The following COQ3 variants were observed in gnomAD, a reference collection of about 807,000 sequenced individuals.
COQ3 encodes coenzyme Q3, methyltransferase, also known as ubiquinone biosynthesis O-methyltransferase, mitochondrial.
COQ3 carries 29 observed loss-of-function variants against 33.1 expected under a neutral mutation model. The observed-to-expected ratio is 0.88, with a 90% CI of 0.65 to 1.19. The LOEUF (loss-of-function observed/expected upper bound fraction) is 1.19. Among genes scored for constraint, COQ3 ranks in the 50% most tolerant of loss-of-function variants. The pLI is 0.00. For synonymous variants in COQ3, 173 were observed against 157.8 expected, an observed-to-expected ratio of 1.10 and a Z score of -0.72; for missense variants, 437 against 430.7, an observed-to-expected ratio of 1.01 and a Z score of -0.13.
In COQ3 at chr6:99,388,198, A is replaced by C. The variant is rs151332146; in HGVS notation, c.107-4374T>G. 1.8e-3 allele frequency among the ~76,000 whole-genome samples: 269 copies of C among 152,196 alleles called. 1 individual carries two copies. Among genetic ancestry groups the C allele is most frequent in the Middle Eastern group, 0.017 (5 of 294 alleles). On this transcript the variant is annotated intron_variant, in intron 1 of 6. Transcript: ENST00000254759. ...TAAAATAAAATAAAATAAAAAAAGA[A>C]AGCTCAAAGATTACAAAGGCAACAC...
intron 1 of COQ3, among the ~76,000 whole-genome samples, chr6:99,392,220 A>T (rs954160317): frequency 6.6e-6 from 1 of 152,168 alleles, no homozygotes; most frequent in Non-Finnish European, 1.5e-5. Context: ...CCTACCAGGC[A>T]CCATGCTGAT....
intron 2 of COQ3, among the ~76,000 whole-genome samples, chr6:99,383,313 T>C (rs1178455325): frequency 6.6e-6 from 1 of 152,220 alleles, no homozygotes; most frequent in African/African-American, 2.4e-5. Flanking sequence ...CTAAAAATTT[T>C]AAAATATTGT....
At chr6:99,373,172 T>C (rs1358626426) in intron 5 of COQ3, among the ~76,000 whole-genome samples, 1 of 152,140 alleles carries the variant, frequency 6.6e-6, no homozygotes, top group African/African-American at 2.4e-5. Flanking sequence ...TGGTGGCTCA[T>C]GCCTATAATT....
chr6:99,371,715 G>T, intron 5 of COQ3, 128 bp from the exon 6 acceptor site: 1 of 642,346 alleles, frequency 1.6e-6, no homozygotes. Flanking sequence ...ATATATGTAC[G>T]CATAAAATAT....
Position 99,385,089 on chromosome 6 carries a change from C to A in COQ3, c.107-1265G>T, listed in dbSNP as rs148950634. ...TCAAGCCACTGTACTCCAGCCTGGG[C>A]GACAGAGCAAGACTGTGCCTCAAAA... On this transcript the variant is annotated intron_variant, in intron 1 of 6. Transcript: ENST00000254759. 5.8e-3 allele frequency among the ~76,000 whole-genome samples: 887 copies of A among 152,150 alleles called. 9 individuals are homozygous for A. The highest frequency in any genetic ancestry group is 0.044 in the Middle Eastern group (13 of 294).
intron 3 of COQ3, 21 bp downstream of exon 3, chr6:99,380,167 CT>C: frequency 1.2e-6 from 2 of 1,600,122 alleles, no homozygotes; most frequent in Non-Finnish European, 1.7e-6. Context: ...TTTAAAAAGA[CT>C]TAGAGTTTCT....
In COQ3 at chr6:99,376,222, T is replaced by G. The variant is rs371002693; in HGVS notation, c.487-40A>C. 1.9e-6 allele frequency: 3 copies of G among 1,599,750 alleles called. No homozygotes were observed. The African/African-American group carries it at 4.1e-5, about 22-fold the overall frequency. ...AAAACTGTTACCCTCAGGAAGAAAA[T>G]AGAGCACATGTTAGCAATAAAAAGC... On this transcript the variant is annotated intron_variant, in intron 4 of 6. Coordinates refer to ENST00000254759, the MANE Select transcript of COQ3 (RefSeq NM_017421.4).
chr6:99,376,057 GGAA>G lies in COQ3; in HGVS notation c.609_611del (p.Ser204del). 3 of 1,614,010 alleles carry G rather than the reference GGAA, an allele frequency of 1.9e-6. No individual in the cohort carries two copies. The highest frequency in any genetic ancestry group is 2.5e-6 in the Non-Finnish European group (3 of 1,179,992). On this transcript the variant is annotated inframe_deletion, in exon 5 of 7. Transcript: ENST00000254759. Reference sequence around the variant, plus strand: ...CAGTCTCTTCCACAATCTCTTCCAGGGAACACACTCTGTACTCTATTCTCTTAT... The same window carrying G: ...CAGTCTCTTCCACAATCTCTTCCAGGCACACTCTGTACTCTATTCTCTTAT...
intron 1 of COQ3, among the ~76,000 whole-genome samples, chr6:99,392,795 T>C (rs1774867855): frequency 6.6e-6 from 1 of 152,148 alleles, no homozygotes; most frequent in South Asian, 2.1e-4. Context: ...CCAGCTAATT[T>C]TGTATTTTTA....
At position 99,380,317 on chromosome 6, in the gene COQ3, A is replaced by C; in HGVS notation, c.258T>G (p.Ser86Arg). Reference protein sequence around the residue: ...SFRYPWARLYSTSQTTVDSGE... With the variant: ...SFRYPWARLYRTSQTTVDSGE... ...CGCTGTCGACAGTGGTTTGGGAAGT[A>C]CTGTACAGTCTCGCCCAAGGGTACC... The change falls in exon 3 of 7, where the codon AGT becomes AGG. Residue 86 changes from serine to arginine, a missense_variant. Transcript: ENST00000254759. 6.2e-7 allele frequency: 1 copy of C among 1,613,978 alleles called. No individual in the cohort carries two copies. The highest frequency in any genetic ancestry group is 8.5e-7 in the Non-Finnish European group (1 of 1,179,924).
At chr6:99,382,816 G>A (rs1027716129) in intron 2 of COQ3, among the ~76,000 whole-genome samples, 5 of 152,142 alleles carry the variant, frequency 3.3e-5, no homozygotes, top group African/African-American at 1.2e-4. Flanking sequence ...AGCCGGGTGT[G>A]GTGGTGCATG....
At chr6:99,377,527 T>C in intron 3 of COQ3, 42 bp from the exon 4 acceptor site, 1 of 1,418,806 alleles carries the variant, frequency 7.0e-7, no homozygotes, top group East Asian at 2.4e-5. Context: ...AAATAATTAA[T>C]TTTATCAACG....
Position 99,376,145 on chromosome 6 carries a change from T to C in COQ3, c.524A>G (p.Asp175Gly). 6.2e-7 allele frequency: 1 copy of C among 1,614,056 alleles called. No homozygotes were observed. The highest frequency in any genetic ancestry group is 8.5e-7 in the Non-Finnish European group (1 of 1,180,012). Residue 175 changes from aspartate (D) to glycine (G), a missense_variant, in exon 5 of 7, where the codon GAC becomes GGC. Physicochemically the swap from Asp to Gly is moderately conservative, Grantham distance 94. Transcript: ENST00000254759. ...GRLGASVIGI[D>G]PVDENIKTAQ... is the part of the protein sequence containing the mutation. ...TGTTTTAATGTTCTCATCCACAGGG[T>C]CGATTCCAATAACTGAAGCCCCAAG...
chr6:99,377,516 C>G, intron 3 of COQ3, 31 bp from the exon 4 acceptor site: 1 of 1,477,290 alleles, frequency 6.8e-7, no homozygotes, highest in Middle Eastern at 1.8e-4. Context: ...CATACCAAAA[C>G]AAATAATTAA....
rs1202379971 is a variant in COQ3 at position 99,382,339 on chromosome 6, C to T, written c.233+1359G>A. ...TAGAAAAATCCTTCAAAGGGCTGCT[C>T]AGGTAAAACATAGTAAGGATGTTAA... On this transcript the variant is annotated intron_variant, in intron 2 of 6. Transcript: ENST00000254759. Among the ~76,000 whole-genome samples the T allele has an allele frequency of 2.6e-5, 4 of 152,256 alleles. No homozygotes were observed. The South Asian group carries it at 6.2e-4, about 24-fold the overall frequency.
chr6:99,389,409 G>A (rs1175238729), intron 1 of COQ3, among the ~76,000 whole-genome samples: 1 of 152,172 alleles, frequency 6.6e-6, no homozygotes, highest in South Asian at 2.1e-4. Flanking sequence ...ACAGACGTGA[G>A]CCACCGCACC....
rs778117306 is a variant in COQ3 at position 99,371,479 on chromosome 6, T to C, written c.838A>G (p.Thr280Ala). The C allele has an allele frequency of 6.2e-7, 1 of 1,606,744 alleles. No homozygotes were observed. The highest frequency in any genetic ancestry group is 8.5e-7 in the Non-Finnish European group (1 of 1,176,020). The change falls in exon 6 of 7, where the codon ACA becomes GCA. Residue 280 changes from threonine (T) to alanine (A), a missense_variant. Coordinates refer to ENST00000254759, the MANE Select transcript of COQ3 (RefSeq NM_017421.4). ...TCAGGTGAAACAAACTTCTCCCATG[T>C]ATGAGTACCTTTTGGTACAATACTT... ...IASIVPKGTH[T>A]WEKFVSPETL...
At chr6:99,386,660 C>G (rs1217986283) in intron 1 of COQ3, among the ~76,000 whole-genome samples, 1 of 152,152 alleles carries the variant, frequency 6.6e-6, no homozygotes, top group African/African-American at 2.4e-5. Flanking sequence ...TAAGGGAATA[C>G]TACACATAAC....
chr6:99,392,351 A>G (rs1380695740), intron 1 of COQ3, among the ~76,000 whole-genome samples: 1 of 152,160 alleles, frequency 6.6e-6, no homozygotes, highest in African/African-American at 2.4e-5. Context: ...TCCATCCCAC[A>G]TTCTATGTAG....
Sources: gnomAD v4.1 joint callset for allele counts (sites outside exome capture counted in the v4.1 genomes callset) on GRCh38, gnomAD v4.1.1 for gene constraint, MANE v1.5 for transcripts, NCBI Gene and HGNC (gene_info 2026-07-23, HGNC 2026-07-21) for gene names.